Variants in ROR2 observed in about 807,000 individuals in gnomAD.
ROR2 encodes tyrosine-protein kinase transmembrane receptor ROR2.
ROR2 carries 33 observed loss-of-function variants against 74.9 expected under a neutral mutation model. The observed-to-expected ratio is 0.44, with a 90% CI of 0.33 to 0.59. The LOEUF (loss-of-function observed/expected upper bound fraction) is 0.59, where lower values mean the gene tolerates loss of function less well. Ranked by LOEUF, ROR2 falls within the 20% of genes least tolerant of loss-of-function variation. ROR2 has a pLI of 0.02. For synonymous variants in ROR2, 586 were observed against 558.7 expected, an observed-to-expected ratio of 1.05 and a Z score of -0.69; for missense variants, 1,216 against 1,313.8, an observed-to-expected ratio of 0.93 and a Z score of 1.15.
intron 4 of ROR2, among the ~76,000 whole-genome samples, chr9:91,747,799 A>C (rs1217561156): frequency 6.6e-6 from 1 of 152,186 alleles, no homozygotes; most frequent in African/African-American, 2.4e-5. Flanking sequence ...ACTGGGGAAA[A>C]GAAACTCATG....
intron 4 of ROR2, among the ~76,000 whole-genome samples, chr9:91,751,223 T>C (rs1698314799): frequency 6.6e-6 from 1 of 152,204 alleles, no homozygotes; most frequent in African/African-American, 2.4e-5. Flanking sequence ...CAATGCATGA[T>C]TCAAGTGGAA....
At chr9:91,779,781 A>G (rs139913090) in intron 1 of ROR2, among the ~76,000 whole-genome samples, 31 of 152,334 alleles carry the variant, frequency 2.0e-4, no homozygotes, top group African/African-American at 7.0e-4. Flanking sequence ...CACTGGATTT[A>G]ATATGTTATT....
intron 1 of ROR2, among the ~76,000 whole-genome samples, chr9:91,885,107 T>C (rs1227354810): frequency 6.6e-6 from 1 of 152,108 alleles, no homozygotes; most frequent in Admixed American, 6.5e-5. Flanking sequence ...CTCTCTCTAG[T>C]TCCCACCTTT....
Position 91,733,005 on chromosome 9 carries a change from T to C in ROR2, c.937+117A>G, listed in dbSNP as rs1041854713. 1.1e-5 allele frequency: 12 copies of C among 1,059,624 alleles called. No individual in the cohort carries two copies. Among genetic ancestry groups the C allele is most frequent in the African/African-American group, 3.2e-5 (2 of 62,806 alleles). The allele number at this position is 1,059,624 out of a possible 1,614,324, so 65.6% of individuals were successfully genotyped here. Reference sequence around the variant, plus strand: ...GTGGGGCCCTCGGCTGCTAAGGGGGTTCTGTGGGGCCTGGACAGATGGGGC... The same window carrying C: ...GTGGGGCCCTCGGCTGCTAAGGGGGCTCTGTGGGGCCTGGACAGATGGGGC... On this transcript the variant is annotated intron_variant, in intron 6 of 8. Transcript: ENST00000375708. This position sits in a 1 kb window ranked among gnomAD's most constrained non-coding sequence, Gnocchi z 5.7.
At chr9:91,789,826 A>G (rs1366873852) in intron 1 of ROR2, among the ~76,000 whole-genome samples, 1 of 152,254 alleles carries the variant, frequency 6.6e-6, no homozygotes, top group Non-Finnish European at 1.5e-5. Context: ...AAAGCGTACC[A>G]TATTGGTAAG....
intron 1 of ROR2, among the ~76,000 whole-genome samples, chr9:91,945,172 T>C (rs1831983188): frequency 6.6e-6 from 1 of 152,292 alleles, no homozygotes; most frequent in South Asian, 2.1e-4. Context: ...GCATAGCAAT[T>C]TGTGGCTACT....
chr9:91,933,231 G>C (rs3932420), intron 1 of ROR2, among the ~76,000 whole-genome samples: 1 of 151,878 alleles, frequency 6.6e-6, no homozygotes, highest in Middle Eastern at 3.2e-3. Context: ...CAGAAGAATC[G>C]CTTGAACCCA....
chr9:91,726,234 T>C (rs545065915), intron 8 of ROR2, among the ~76,000 whole-genome samples: 28 of 152,310 alleles, frequency 1.8e-4, no homozygotes, highest in Non-Finnish European at 2.6e-4. Flanking sequence ...TTGTGTGTCT[T>C]CTGGGCAGAG....
At chr9:91,725,192 C>T in intron 8 of ROR2, 85 bp from the exon 9 acceptor site, 5 of 1,600,324 alleles carry the variant, frequency 3.1e-6, no homozygotes, top group Non-Finnish European at 4.2e-6. Flanking sequence ...GGAGTGGAGT[C>T]CCTGTGCGGC....
At chr9:91,801,272 A>T (rs902162489) in intron 1 of ROR2, among the ~76,000 whole-genome samples, 1 of 152,192 alleles carries the variant, frequency 6.6e-6, no homozygotes, top group Admixed American at 6.5e-5. Context: ...TTGAGTCTTC[A>T]TTCTTCATGT....
rs769849104 is a variant in ROR2 at position 91,724,674 on chromosome 9, G to A, written c.1820C>T (p.Ser607Phe). Residue 607 changes from serine to phenylalanine, a missense_variant, in exon 9 of 9, where the codon TCC becomes TTC. By Grantham distance (155) the Ser-to-Phe change is radical (BLOSUM62 -2). Coordinates refer to ENST00000375708, the MANE Select transcript of ROR2 (RefSeq NM_004560.4). ...GTCCTTGTGAACCACGTGGTGGCTG[G>A]ATAGGTACTCCATCCCCGCCGCGAT... is the stretch of plus-strand genomic sequence containing the variant. ...AQIAAGMEYL[S>F]SHHVVHKDLA... 11 of 1,614,070 alleles carry A rather than the reference G, an allele frequency of 6.8e-6. No homozygotes were observed. Among genetic ancestry groups the A allele is most frequent in the Non-Finnish European group, 8.5e-6 (10 of 1,180,050 alleles).
At chr9:91,876,657 A>C (rs771120154) in intron 1 of ROR2, among the ~76,000 whole-genome samples, 1 of 152,232 alleles carries the variant, frequency 6.6e-6, no homozygotes, top group Non-Finnish European at 1.5e-5. Flanking sequence ...AAGAAAATGA[A>C]GTTCCAGAGA....
chr9:91,794,310 A>C (rs1380697746), intron 1 of ROR2, among the ~76,000 whole-genome samples: 1 of 152,188 alleles, frequency 6.6e-6, no homozygotes, highest in Non-Finnish European at 1.5e-5. Flanking sequence ...TTCTACTGTC[A>C]CCCCATCACC....
chr9:91,731,717 C>G (rs1837250010), intron 6 of ROR2, among the ~76,000 whole-genome samples: 1 of 152,166 alleles, frequency 6.6e-6, no homozygotes, highest in Admixed American at 6.5e-5. Flanking sequence ...GAGTTCAAGA[C>G]CAGCCTGGCC....
intron 2 of ROR2, among the ~76,000 whole-genome samples, chr9:91,763,271 C>T (rs986179786): frequency 3.9e-5 from 6 of 152,174 alleles, no homozygotes; most frequent in East Asian, 1.9e-4. Flanking sequence ...CAAACCCCCA[C>T]GGCACACAAT....
intron 1 of ROR2, among the ~76,000 whole-genome samples, chr9:91,844,638 G>A (rs1828871755): frequency 6.6e-6 from 1 of 152,162 alleles, no homozygotes; most frequent in East Asian, 1.9e-4. Context: ...CTAAAGAACT[G>A]CAGCCCCGGA....
At chr9:91,803,474 C>T (rs557822327) in intron 1 of ROR2, among the ~76,000 whole-genome samples, 1 of 152,314 alleles carries the variant, frequency 6.6e-6, no homozygotes, top group African/African-American at 2.4e-5. Flanking sequence ...CACACAACAA[C>T]GTGAATGTAT....
chr9:91,725,030 GTA>G lies in ROR2; in HGVS notation c.1462_1463del (p.Tyr488GlnfsTer36), dbSNP rs774581433. ...GGGCAGGGCCGAACAGGTGACCTTT[GTA>G]GACTTTCCCAAACCGGTCCTCTCCC... Reference protein sequence around the residue: ...ELGEDRFGKVYKGHLFGPAPG... With the variant: ...ELGEDRFGKVXKGHLFGPAPG... On this transcript the variant is annotated frameshift_variant, in exon 9 of 9. Transcript: ENST00000375708. LOFTEE classifies it high-confidence loss of function. The G allele has an allele frequency of 1.2e-6, 2 of 1,613,904 alleles. No homozygotes were observed. The highest frequency in any genetic ancestry group is 2.7e-5 in the African/African-American group (2 of 74,938).
chr9:91,904,468 C>A (rs1269374725), intron 1 of ROR2, among the ~76,000 whole-genome samples: 1 of 152,208 alleles, frequency 6.6e-6, no homozygotes, highest in Non-Finnish European at 1.5e-5. Flanking sequence ...AGCGGTAGGA[C>A]CTGCGCCACG....
Sources: gnomAD v4.1 joint callset for allele counts (sites outside exome capture counted in the v4.1 genomes callset) on GRCh38, gnomAD v4.1.1 for gene constraint, Gnocchi (gnomAD v3.1) non-coding constraint, MANE v1.5 for transcripts, NCBI Gene and HGNC (gene_info 2026-07-23, HGNC 2026-07-21) for gene names.